The following EPB41L4A variants were observed in gnomAD, a reference collection of about 807,000 sequenced individuals.
The protein encoded by EPB41L4A is erythrocyte membrane protein band 4.1 like 4A.
A neutral mutation model predicts 108.6 loss-of-function variants in EPB41L4A; 100 were observed. That is an observed-to-expected ratio of 0.92 (90% CI 0.78 to 1.09). The LOEUF is 1.09. EPB41L4A is among the 50% of genes least tolerant of loss of function. The pLI, the probability that EPB41L4A is intolerant of heterozygous loss-of-function variation, is 0.00. For synonymous variants in EPB41L4A, 319 were observed against 289.0 expected, an observed-to-expected ratio of 1.10 and a Z score of -1.05; for missense variants, 1,030 against 842.7, an observed-to-expected ratio of 1.22 and a Z score of -2.75.
Position 112,200,708 on chromosome 5 carries a change from G to A in EPB41L4A, c.1376+3667C>T, listed in dbSNP as rs565424631. ...AGAATAGGAACGTTTAAACAAGCAG[G>A]CTTCAGGGTCTCCATAAATTTTGAA... On this transcript the variant is annotated intron_variant, in intron 15 of 22. Coordinates refer to ENST00000261486, the MANE Select transcript of EPB41L4A (RefSeq NM_022140.5). Among the ~76,000 whole-genome samples the A allele has an allele frequency of 3.3e-5, 5 of 152,288 alleles. No homozygotes were observed. In the South Asian group the frequency reaches 6.2e-4, roughly 19 times the overall value.
rs910387624 is a variant in EPB41L4A at position 112,419,155 on chromosome 5, G to A, written c.-116C>T. On this transcript the variant is annotated 5_prime_UTR_variant, in exon 1 of 23. Coordinates refer to ENST00000261486, the MANE Select transcript of EPB41L4A (RefSeq NM_022140.5). The stretch of plus-strand genomic sequence containing the variant: ...GTCCGCGCCGTGGCGAGGGTGAGAC[G>A]AGCAGCTCCCGGCGGGGTCCGGGGA... 5 of 731,674 alleles carry A rather than the reference G, an allele frequency of 6.8e-6. No individual in the cohort carries two copies. Among genetic ancestry groups the A allele is most frequent in the Admixed American group, 5.0e-5 (2 of 40,378 alleles). 45.3% of individuals were successfully genotyped at this position (731,674 alleles called of 1,614,324 possible). A position where few individuals can be genotyped will look rare whatever the true frequency, so the allele number is the denominator to read the frequency against.
intron 1 of EPB41L4A, among the ~76,000 whole-genome samples, chr5:112,365,285 C>T (rs11749855): frequency 0.19 from 28,491 of 152,166 alleles, 3,370 homozygotes; most frequent in East Asian, 0.4. Context: ...ACTACAGCCT[C>T]AAACTCCTAG....
At chr5:112,170,852 G>A (rs1047836351) in intron 19 of EPB41L4A, 93 bp downstream of exon 19, 11 of 1,104,008 alleles carry the variant, frequency 1.0e-5, no homozygotes, top group Admixed American at 5.5e-5. Context: ...CAGGCATCAC[G>A]CTGAAGTTGC....
chr5:112,189,334 A>G (rs991368797), intron 17 of EPB41L4A, among the ~76,000 whole-genome samples: 1 of 152,214 alleles, frequency 6.6e-6, no homozygotes, highest in African/African-American at 2.4e-5. Context: ...ACAAACCTCT[A>G]GTGAGGTAGG....
chr5:112,255,913 C>G (rs1052020016), intron 9 of EPB41L4A, among the ~76,000 whole-genome samples: 3 of 152,006 alleles, frequency 2.0e-5, no homozygotes, highest in Non-Finnish European at 4.4e-5. Flanking sequence ...ATAGCCTTCC[C>G]CACCTCACCT....
At chr5:112,325,164 G>A (rs945271616) in intron 1 of EPB41L4A, among the ~76,000 whole-genome samples, 5 of 152,144 alleles carry the variant, frequency 3.3e-5, no homozygotes, top group Non-Finnish European at 7.3e-5. Flanking sequence ...AGTCAGGGCC[G>A]GGCGCGGTGG....
chr5:112,218,184 C>T (rs1747792935), intron 12 of EPB41L4A, among the ~76,000 whole-genome samples: 1 of 152,150 alleles, frequency 6.6e-6, no homozygotes, highest in Admixed American at 6.5e-5. Flanking sequence ...TCCCTTAGAA[C>T]TTCAAAGGAG....
Position 112,419,192 on chromosome 5 carries a change from A to C in EPB41L4A, c.-153T>G. 13 of 525,510 alleles carry C rather than the reference A, an allele frequency of 2.5e-5. No homozygotes were observed. The highest frequency in any genetic ancestry group is 3.4e-5 in the Non-Finnish European group (10 of 297,752). 32.6% of individuals were successfully genotyped at this position (525,510 alleles called of 1,614,324 possible). A position where few individuals can be genotyped will look rare whatever the true frequency, so the allele number is the denominator to read the frequency against. On this transcript the variant is annotated 5_prime_UTR_variant, in exon 1 of 23. Transcript: ENST00000261486. ...GCGGGGTCCGGGGACCGGCCGCCGA[A>C]CCGCCCGGCGGGGCGGGAGCGAGAA...
At chr5:112,367,187 G>T (rs1358572203) in intron 1 of EPB41L4A, among the ~76,000 whole-genome samples, 1 of 152,194 alleles carries the variant, frequency 6.6e-6, no homozygotes, top group East Asian at 1.9e-4. Context: ...GCCCCTAGAG[G>T]AAAGAGTTTG....
chr5:112,338,756 C>T (rs1757080101), intron 1 of EPB41L4A, among the ~76,000 whole-genome samples: 1 of 152,216 alleles, frequency 6.6e-6, no homozygotes. Context: ...AAATCTGAGT[C>T]ACTGCCTAAG....
intron 1 of EPB41L4A, among the ~76,000 whole-genome samples, chr5:112,311,504 C>A (rs1303333313): frequency 6.6e-6 from 1 of 152,094 alleles, no homozygotes; most frequent in Admixed American, 6.5e-5. Flanking sequence ...TTATGATTCC[C>A]ATCTATCTAC....
At chr5:112,322,169 T>C (rs1452708770) in intron 1 of EPB41L4A, among the ~76,000 whole-genome samples, 1 of 152,262 alleles carries the variant, frequency 6.6e-6, no homozygotes, top group Admixed American at 6.5e-5. Context: ...ACTGTTATAA[T>C]AGCACTGCAT....
At chr5:112,290,666 T>C (rs1001085002) in intron 2 of EPB41L4A, among the ~76,000 whole-genome samples, 2 of 152,204 alleles carry the variant, frequency 1.3e-5, no homozygotes, top group African/African-American at 4.8e-5. Context: ...GATCATTTCA[T>C]CTTGAAATAA....
chr5:112,344,691 T>G (rs1757525169), intron 1 of EPB41L4A, among the ~76,000 whole-genome samples: 1 of 152,250 alleles, frequency 6.6e-6, no homozygotes, highest in African/African-American at 2.4e-5. Flanking sequence ...ATTCTGCCTG[T>G]GTCCGCAGCT....
chr5:112,205,582 A>C, intron 13 of EPB41L4A, 78 bp from the exon 14 acceptor site: 1 of 1,129,298 alleles, frequency 8.9e-7, no homozygotes, highest in Non-Finnish European at 1.3e-6. Flanking sequence ...TTGTTAAGTA[A>C]AACTTTTTAA....
chr5:112,338,423 A>G (rs1757059416), intron 1 of EPB41L4A, among the ~76,000 whole-genome samples: 1 of 152,148 alleles, frequency 6.6e-6, no homozygotes, highest in South Asian at 2.1e-4. Flanking sequence ...TCTCTCCAGC[A>G]TGGCTGGCTC....
At chr5:112,143,471 T>C (rs1023542844) in exon 14 of EPB41L4A, 3 of 153,366 alleles carry the variant, frequency 2.0e-5, no homozygotes, top group Non-Finnish European at 4.4e-5. Flanking sequence ...GAAGGCTGTA[T>C]TAGTCAGGAT....
intron 13 of EPB41L4A, among the ~76,000 whole-genome samples, chr5:112,144,278 A>G (rs185434928): frequency 2.0e-5 from 3 of 152,254 alleles, no homozygotes; most frequent in Admixed American, 1.3e-4. Flanking sequence ...TGTTCTAGAC[A>G]CTGAGATTTT....
chr5:112,164,795 C>G lies in EPB41L4A; in HGVS notation c.*195G>C, dbSNP rs1760127792. ...GCTGCGGTGAGCTGACACGGTGCCG[C>G]TGCACTCCAGCCTGGGCGACAGAGT... On this transcript the variant is annotated 3_prime_UTR_variant, in exon 23 of 23. Transcript: ENST00000261486. 1 of 459,772 alleles carries G rather than the reference C, an allele frequency of 2.2e-6. No homozygotes were observed. Among genetic ancestry groups the G allele is most frequent in the African/African-American group, 2.1e-5 (1 of 47,604 alleles). 28.5% of individuals were successfully genotyped at this position (459,772 alleles called of 1,614,324 possible).
Sources: gnomAD v4.1 joint callset for allele counts (sites outside exome capture counted in the v4.1 genomes callset) on GRCh38, gnomAD v4.1.1 for gene constraint, MANE v1.5 for transcripts, NCBI Gene and HGNC (gene_info 2026-07-23, HGNC 2026-07-21) for gene names.